CDH18: variants seen among roughly 807,000 people sequenced by gnomAD.
The protein encoded by CDH18 is cadherin 18, also known as cadherin-18.
CDH18 carries 31 observed loss-of-function variants against 67.9 expected under a neutral mutation model. The observed-to-expected ratio is 0.46, with a 90% CI of 0.34 to 0.62. The LOEUF (loss-of-function observed/expected upper bound fraction) is 0.62, where lower values mean the gene tolerates loss of function less well. CDH18 is among the 20% of genes least tolerant of loss of function. The pLI is 0.01. For synonymous variants in CDH18, 362 were observed against 347.2 expected, an observed-to-expected ratio of 1.04 and a Z score of -0.48; for missense variants, 890 against 975.5, an observed-to-expected ratio of 0.91 and a Z score of 1.17.
At chr5:19,523,957 T>C (rs943107799) in intron 9 of CDH18, among the ~76,000 whole-genome samples, 3 of 152,048 alleles carry the variant, frequency 2.0e-5, no homozygotes, top group Non-Finnish European at 2.9e-5. Flanking sequence ...TAGAAACAAA[T>C]TGTTGTTCTC....
intron 10 of CDH18, among the ~76,000 whole-genome samples, chr5:19,510,420 G>A (rs1222320379): frequency 1.3e-5 from 2 of 152,056 alleles, no homozygotes; most frequent in Non-Finnish European, 2.9e-5. Context: ...AAGTTATTTT[G>A]GTGGAAGAGG....
At chr5:19,874,066 GA>G (rs1786658987) in intron 2 of CDH18, among the ~76,000 whole-genome samples, 1 of 152,160 alleles carries the variant, frequency 6.6e-6, no homozygotes, top group African/African-American at 2.4e-5. Context: ...TATACACTCA[GA>G]AGTATGTCAT....
Position 19,559,597 on chromosome 5 carries a change from T to C in CDH18, c.1253+11982A>G, listed in dbSNP as rs1054519390. Among the ~76,000 whole-genome samples the C allele has an allele frequency of 3.3e-5, 5 of 152,036 alleles. No individual in the cohort carries two copies. The East Asian group carries it at 5.8e-4, about 18-fold the overall frequency. On this transcript the variant is annotated intron_variant, in intron 8 of 12. Transcript: ENST00000382275. Reference sequence around the variant, plus strand: ...AAGTTAAAAGCATTCCCCCTGAGAATTGGAACAAGTCAAGGATGTTTACTC... The same window carrying C: ...AAGTTAAAAGCATTCCCCCTGAGAACTGGAACAAGTCAAGGATGTTTACTC...
chr5:20,486,754 A>C (rs1163577857), intron 1 of CDH18, among the ~76,000 whole-genome samples: 1 of 151,448 alleles, frequency 6.6e-6, no homozygotes, highest in Non-Finnish European at 1.5e-5. Flanking sequence ...CATTGAAATT[A>C]AATAGTAAAG....
intron 5 of CDH18, among the ~76,000 whole-genome samples, chr5:19,705,439 T>C (rs1020345931): frequency 2.0e-5 from 3 of 152,226 alleles, no homozygotes; most frequent in South Asian, 4.2e-4. Flanking sequence ...CCATGAGTAA[T>C]CCATTTGCTA....
chr5:19,812,668 A>G (rs942542358), intron 3 of CDH18, among the ~76,000 whole-genome samples: 1 of 152,144 alleles, frequency 6.6e-6, no homozygotes, highest in Admixed American at 6.6e-5. Context: ...TAAATCTGTA[A>G]TGGGTCCAAA....
intron 1 of CDH18, among the ~76,000 whole-genome samples, chr5:20,545,177 C>G (rs184970827): frequency 6.6e-6 from 1 of 152,196 alleles, no homozygotes; most frequent in Non-Finnish European, 1.5e-5. Context: ...GCAACTGTGC[C>G]TCTGTGGCTA....
intron 2 of CDH18, among the ~76,000 whole-genome samples, chr5:20,204,135 G>A (rs1404532883): frequency 6.6e-6 from 1 of 152,002 alleles, no homozygotes; most frequent in East Asian, 1.9e-4. Flanking sequence ...ACATCCAGGT[G>A]CAGAAACGTC....
intron 1 of CDH18, among the ~76,000 whole-genome samples, chr5:20,441,706 A>AT (rs753557144): frequency 4.0e-5 from 6 of 151,884 alleles, no homozygotes; most frequent in Admixed American, 1.3e-4. Flanking sequence ...ATGAAGCACT[A>AT]TTTTTTTATC....
At chr5:20,000,122 T>C (rs916376657) in intron 2 of CDH18, among the ~76,000 whole-genome samples, 5 of 152,138 alleles carry the variant, frequency 3.3e-5, no homozygotes, top group Non-Finnish European at 7.4e-5. Flanking sequence ...TTTTGTCCCT[T>C]ACATAATAAG....
chr5:19,827,835 C>T (rs1419907075), intron 3 of CDH18, among the ~76,000 whole-genome samples: 1 of 151,900 alleles, frequency 6.6e-6, no homozygotes. Flanking sequence ...AGCAAACCAA[C>T]CACAAAGTTT....
intron 5 of CDH18, among the ~76,000 whole-genome samples, chr5:19,619,918 T>A (rs1190300593): frequency 6.6e-6 from 1 of 152,206 alleles, no homozygotes; most frequent in African/African-American, 2.4e-5. Context: ...GACACTGGCA[T>A]CTTAAAATTT....
intron 5 of CDH18, among the ~76,000 whole-genome samples, chr5:19,675,517 T>C (rs1335802442): frequency 6.6e-6 from 1 of 152,104 alleles, no homozygotes; most frequent in African/African-American, 2.4e-5. Context: ...AATTCAGCAA[T>C]ATTTTTCCTA....
At chr5:20,374,274 T>C (rs1217247317) in intron 1 of CDH18, among the ~76,000 whole-genome samples, 1 of 152,180 alleles carries the variant, frequency 6.6e-6, no homozygotes, top group African/African-American at 2.4e-5. Flanking sequence ...GCAAAGTCAA[T>C]GTTGAATGAG....
At chr5:20,500,076 C>T (rs1237947743) in intron 1 of CDH18, among the ~76,000 whole-genome samples, 3 of 152,050 alleles carry the variant, frequency 2.0e-5, no homozygotes, top group African/African-American at 4.8e-5. Context: ...GCCTTAAACT[C>T]ATGTCACTGT....
intron 2 of CDH18, among the ~76,000 whole-genome samples, chr5:20,079,679 A>G (rs921615214): frequency 2.0e-5 from 3 of 152,040 alleles, no homozygotes; most frequent in Non-Finnish European, 4.4e-5. Flanking sequence ...CATCACCAAC[A>G]CTTTTGTAAG....
intron 1 of CDH18, among the ~76,000 whole-genome samples, chr5:20,375,170 TG>T (rs1743312692): frequency 6.6e-6 from 1 of 152,218 alleles, no homozygotes; most frequent in South Asian, 2.1e-4. Context: ...AAATTTCTTT[TG>T]TCTCAGTTAT....
chr5:19,732,960 G>A lies in CDH18; in HGVS notation c.524-11494C>T, dbSNP rs925717384. ...AGCTCCCTTTTACCAGGAACCCTCA[G>A]ATAGGCCTCTGAGGGAAATCTGAGT... On this transcript the variant is annotated intron_variant, in intron 4 of 12. Transcript: ENST00000382275. Among the ~76,000 whole-genome samples, 5 of 152,258 alleles carry A rather than the reference G, an allele frequency of 3.3e-5. No homozygotes were observed. In the East Asian group the frequency reaches 9.7e-4, roughly 29 times the overall value.
intron 2 of CDH18, among the ~76,000 whole-genome samples, chr5:20,050,998 G>A (rs193069440): frequency 9.2e-5 from 14 of 151,860 alleles, no homozygotes; most frequent in African/African-American, 3.4e-4. Flanking sequence ...AAAGGCAATG[G>A]AGTATTGTAA....
Sources: allele counts gnomAD v4.1 joint callset (sites outside exome capture counted in the v4.1 genomes callset), GRCh38; gene constraint gnomAD v4.1.1; transcripts MANE v1.5; gene names NCBI Gene and HGNC (gene_info 2026-07-23, HGNC 2026-07-21).